ARHGEF2: variants seen among roughly 807,000 people sequenced by gnomAD.
ARHGEF2 encodes the protein rho guanine nucleotide exchange factor 2.
A neutral mutation model predicts 121.0 loss-of-function variants in ARHGEF2; 22 were observed. The observed-to-expected ratio is 0.18, with a 90% CI of 0.13 to 0.26. The LOEUF is 0.26. Ranked by LOEUF, ARHGEF2 falls within the 10% of genes least tolerant of loss-of-function variation. ARHGEF2 has a pLI of 1.00. For synonymous variants in ARHGEF2, 487 were observed against 530.0 expected, an observed-to-expected ratio of 0.92 and a Z score of 1.11; for missense variants, 907 against 1,336.0, an observed-to-expected ratio of 0.68 and a Z score of 5.01.
At chr1:155,952,408 G>A (rs1675677771) in intron 15 of ARHGEF2, among the ~76,000 whole-genome samples, 173 bp from the exon 16 acceptor site, 1 of 152,224 alleles carries the variant, frequency 6.6e-6, no homozygotes, top group South Asian at 2.1e-4. Flanking sequence ...TGCCTACGAG[G>A]CAGCAGAGTC....
rs201374134 is a variant in ARHGEF2, at chr1:155,963,006, C to T, written c.902G>A (p.Arg301Gln). ...GCTGCCAGGGCACAGGGCCTGGCGT[C>T]GGCGTTCTAATAGCTGGCTGAGGAA... ...TRFLSQLLER[R>Q]RQALCPGSTR... The change falls in exon 8 of 22, where the codon CGA becomes CAA. Residue 301 changes from arginine (R) to glutamine (Q), a missense_variant. Coordinates refer to ENST00000361247, the MANE Select transcript of ARHGEF2 (RefSeq NM_001162383.2). The T allele has an allele frequency of 1.9e-6, 3 of 1,614,150 alleles. No individual in the cohort carries two copies. Among genetic ancestry groups the T allele is most frequent in the African/African-American group, 1.3e-5 (1 of 75,020 alleles).
At chr1:155,953,663 A>G (rs1303571447) in intron 14 of ARHGEF2, among the ~76,000 whole-genome samples, 2 of 150,424 alleles carry the variant, frequency 1.3e-5, no homozygotes, top group Admixed American at 6.7e-5. Flanking sequence ...AATCACTTGA[A>G]CGTGGGAGAT....
In ARHGEF2 at chr1:155,965,112, C is replaced by T. The variant is rs765399238; in HGVS notation, c.600G>A (p.Glu200=). The T allele has an allele frequency of 6.2e-7, 1 of 1,614,096 alleles. No homozygotes were observed. The highest frequency in any genetic ancestry group is 2.2e-5 in the East Asian group (1 of 44,872). Residue 200 remains glutamate (E), a synonymous_variant, in exon 7 of 22, where the codon GAG becomes GAA. Coordinates refer to ENST00000361247, the MANE Select transcript of ARHGEF2 (RefSeq NM_001162383.2). This position sits in a 1 kb window ranked among gnomAD's most constrained non-coding sequence, Gnocchi z 6.0. ...CATCCATCTCAAAGTCACTCATCAGCTCACTGTAGATTACCTCTGCTGGAC... is the reference window on the plus strand; with the variant it reads ...CATCCATCTCAAAGTCACTCATCAGTTCACTGTAGATTACCTCTGCTGGAC... The part of the protein sequence containing the change: ...LIDEAEVIYS[E]LMSDFEMDEK...
intron 15 of ARHGEF2, 22 bp from the exon 16 acceptor site, chr1:155,952,257 T>A: frequency 6.2e-7 from 1 of 1,612,802 alleles, no homozygotes; most frequent in Non-Finnish European, 8.5e-7. Flanking sequence ...GAGGAAGAGG[T>A]GAGAACAGGA....
Position 155,947,810 on chromosome 1 carries a change from A to T in ARHGEF2, c.*132T>A. On this transcript the variant is annotated 3_prime_UTR_variant, in exon 22 of 22. Transcript: ENST00000361247. Reference sequence around the variant, plus strand: ...CTTAAATGGCCCCAGGTATCCAAGGATCCCAAGAGCTGGCAAGGACAATTT... The same window carrying T: ...CTTAAATGGCCCCAGGTATCCAAGGTTCCCAAGAGCTGGCAAGGACAATTT... The T allele has an allele frequency of 1.7e-6, 1 of 600,012 alleles. No homozygotes were observed. Among genetic ancestry groups the T allele is most frequent in the East Asian group, 2.9e-5 (1 of 34,296 alleles). The allele number at this position is 600,012 out of a possible 1,614,324, so 37.2% of individuals were successfully genotyped here.
At chr1:155,974,757 G>T (rs1279775138) in intron 1 of ARHGEF2, among the ~76,000 whole-genome samples, 1 of 152,092 alleles carries the variant, frequency 6.6e-6, no homozygotes. Flanking sequence ...GAATAAATCA[G>T]GTTAGGGACC....
In ARHGEF2 at chr1:155,957,846, C is replaced by T. The variant is rs765138663; in HGVS notation, c.1582G>A (p.Val528Ile). ...TTCTCCTGGTTGGCAATGTCTCGTA[C>T]GATTAGATTCTGCAGCGATACCACT... ...PSVVSLQNLI[V>I]RDIANQEKGM... The change falls in exon 13 of 22, where the codon GTA becomes ATA. Residue 528 changes from valine (V) to isoleucine (I), a missense_variant. By Grantham distance (29) the Val-to-Ile change is conservative (BLOSUM62 3). Coordinates refer to ENST00000361247, the MANE Select transcript of ARHGEF2 (RefSeq NM_001162383.2). 23 of 1,614,110 alleles carry T rather than the reference C, an allele frequency of 1.4e-5. No homozygotes were observed. In the East Asian group the frequency reaches 1.6e-4, roughly 11 times the overall value.
In ARHGEF2 at chr1:155,951,839, C is replaced by T. The variant is rs1455918155; in HGVS notation, c.2173-63G>A. The T allele has an allele frequency of 6.2e-7, 1 of 1,613,106 alleles. No homozygotes were observed. Among genetic ancestry groups the T allele is most frequent in the Non-Finnish European group, 8.5e-7 (1 of 1,179,814 alleles). ...ACAAATCCTGGGTGCCTGCCCCTGACAGCTTTGTGTTGAGGATCCAGAGGC... is the reference window on the plus strand; with the variant it reads ...ACAAATCCTGGGTGCCTGCCCCTGATAGCTTTGTGTTGAGGATCCAGAGGC... On this transcript the variant is annotated intron_variant, in intron 17 of 21. Transcript: ENST00000361247. This position sits in a 1 kb window ranked among gnomAD's most constrained non-coding sequence, Gnocchi z 5.1.
chr1:155,962,958 C>T lies in ARHGEF2; in HGVS notation c.950G>A (p.Arg317His), dbSNP rs550963600. The change falls in exon 8 of 22, where the codon CGC (arginine) becomes CAC (histidine). Residue 317 changes from arginine (R) to histidine (H), a missense_variant. Transcript: ENST00000361247. The surrounding 1 kb of genome is among the most constrained non-coding windows in gnomAD (Gnocchi z 5.8). ...PGSTRNFVIHRLGDLLISQFS... is the reference protein window; with the variant it reads ...PGSTRNFVIHHLGDLLISQFS... Reference sequence around the variant, plus strand: ...CTGGCTGATGAGCAGATCACCCAAGCGATGGATGACAAAGTTCCGGGTGCT... The same window carrying T: ...CTGGCTGATGAGCAGATCACCCAAGTGATGGATGACAAAGTTCCGGGTGCT... The T allele has an allele frequency of 1.5e-5, 24 of 1,614,050 alleles. No individual in the cohort carries two copies. The highest frequency in any genetic ancestry group is 1.2e-4 in the Admixed American group (7 of 60,002).
rs71576039 is a variant in ARHGEF2 at position 155,964,144 on chromosome 1, CAAAAA to C, written c.724+839_724+843del. On this transcript the variant is annotated intron_variant, in intron 7 of 21. Coordinates refer to ENST00000361247, the MANE Select transcript of ARHGEF2 (RefSeq NM_001162383.2). ...TGGGCGACAGAGCAAGACTCTGCTT[CAAAAA>C]AAAAAAAAAAAAAAAAAAATATATA... 3.7e-3 allele frequency among the ~76,000 whole-genome samples: 205 copies of C among 55,754 alleles called. 1 individual carries two copies. The highest frequency in any genetic ancestry group is 0.013 in the African/African-American group (123 of 9,556). 36.6% of individuals were successfully genotyped at this position (55,754 alleles called of 152,430 possible).
rs1035175572 is a variant in ARHGEF2, at chr1:155,978,005, C to G, written c.63+360G>C. Reference sequence around the variant, plus strand: ...TGGGGCCCGGGGTGAGAGGAGGTGCCGGAGCTTCCACCGCCCCCACCCGCG... The same window carrying G: ...TGGGGCCCGGGGTGAGAGGAGGTGCGGGAGCTTCCACCGCCCCCACCCGCG... On this transcript the variant is annotated intron_variant, in intron 1 of 21. Coordinates refer to ENST00000361247, the MANE Select transcript of ARHGEF2 (RefSeq NM_001162383.2). The surrounding 1 kb of genome is among the most constrained non-coding windows in gnomAD (Gnocchi z 4.1). 1.1e-6 allele frequency: 1 copy of G among 905,764 alleles called. No homozygotes were observed. Among genetic ancestry groups the G allele is most frequent in the Admixed American group, 5.7e-5 (1 of 17,512 alleles). 56.1% of individuals were successfully genotyped at this position (905,764 alleles called of 1,614,324 possible).
At chr1:155,973,654 G>A (rs1572197695) in intron 1 of ARHGEF2, among the ~76,000 whole-genome samples, 2 of 151,914 alleles carry the variant, frequency 1.3e-5, no homozygotes, top group South Asian at 2.1e-4. Context: ...GCTGAGGCAG[G>A]AGAATTGCTT....
Position 155,978,504 on chromosome 1 carries a change from G to T in ARHGEF2, c.-77C>A, listed in dbSNP as rs1456657135. Reference sequence around the variant, plus strand: ...TTGTTGGGGGAAGGCGGGGGGAGGGGTTCGGCCCGCACGCGTTGGTCTCGG... The same window carrying T: ...TTGTTGGGGGAAGGCGGGGGGAGGGTTTCGGCCCGCACGCGTTGGTCTCGG... On this transcript the variant is annotated 5_prime_UTR_variant, in exon 1 of 22. Coordinates refer to ENST00000361247, the MANE Select transcript of ARHGEF2 (RefSeq NM_001162383.2). This position sits in a 1 kb window ranked among gnomAD's most constrained non-coding sequence, Gnocchi z 4.1. The T allele has an allele frequency of 3.0e-6, 4 of 1,337,430 alleles. No individual in the cohort carries two copies. Among genetic ancestry groups the T allele is most frequent in the Non-Finnish European group, 3.9e-6 (4 of 1,029,942 alleles). 82.8% of individuals were successfully genotyped at this position (1,337,430 alleles called of 1,614,324 possible).
Position 155,964,180 on chromosome 1 carries a change from A to ATGTATG in ARHGEF2, c.724+807_724+808insCATACA, listed in dbSNP as rs1349746641. On this transcript the variant is annotated intron_variant, in intron 7 of 21. Coordinates refer to ENST00000361247, the MANE Select transcript of ARHGEF2 (RefSeq NM_001162383.2). The stretch of plus-strand genomic sequence containing the variant: ...AAAAAAAAAAAAAATATATATATAT[A>ATGTATG]TATATATATATATATATACATATAT... Among the ~76,000 whole-genome samples, 4 of 101,578 alleles carry ATGTATG rather than the reference A, an allele frequency of 3.9e-5. 1 individual carries two copies. Among genetic ancestry groups the ATGTATG allele is most frequent in the South Asian group, 3.1e-4 (1 of 3,182 alleles). 66.6% of individuals were successfully genotyped at this position (101,578 alleles called of 152,430 possible). A position where few individuals can be genotyped will look rare whatever the true frequency, so the allele number is the denominator to read the frequency against.
intron 14 of ARHGEF2, among the ~76,000 whole-genome samples, chr1:155,954,196 C>T (rs1676124900): frequency 6.6e-6 from 1 of 150,376 alleles, no homozygotes; most frequent in African/African-American, 2.4e-5. Context: ...AGACTGGTCT[C>T]GAACTCCTGA....
Position 155,965,605 on chromosome 1 carries a change from G to A in ARHGEF2, c.470+26C>T. 1.2e-6 allele frequency: 2 copies of A among 1,612,202 alleles called. No individual in the cohort carries two copies. Among genetic ancestry groups the A allele is most frequent in the East Asian group, 2.2e-5 (1 of 44,876 alleles). On this transcript the variant is annotated intron_variant, in intron 5 of 21. Coordinates refer to ENST00000361247, the MANE Select transcript of ARHGEF2 (RefSeq NM_001162383.2). This position sits in a 1 kb window ranked among gnomAD's most constrained non-coding sequence, Gnocchi z 6.0. ...GCCTCCACTGCCACACTCTCTGGCT[G>A]CCCCTTTCCCCAAACAGAGGCTCAC...
chr1:155,952,948 T>C (rs1344655005), intron 14 of ARHGEF2, 120 bp from the exon 15 acceptor site: 2 of 898,446 alleles, frequency 2.2e-6, no homozygotes, highest in Middle Eastern at 2.3e-4. Flanking sequence ...AATTTTGTTA[T>C]TTTGGCATTT....
At chr1:155,973,897 A>T (rs1387718796) in intron 1 of ARHGEF2, among the ~76,000 whole-genome samples, 2 of 152,172 alleles carry the variant, frequency 1.3e-5, no homozygotes, top group Non-Finnish European at 2.9e-5. Context: ...ACAGTGACGT[A>T]CATGGAGGGG....
chr1:155,950,518 G>T lies in ARHGEF2; in HGVS notation c.2704-36C>A, dbSNP rs200848492. ...TGGGCAGGAAGAACAGCAGGTCAGG[G>T]ACTGAGTAGTGTGAAGATTGGAGGT... On this transcript the variant is annotated intron_variant, in intron 20 of 21. Transcript: ENST00000361247. This position sits in a 1 kb window ranked among gnomAD's most constrained non-coding sequence, Gnocchi z 5.2. The T allele has an allele frequency of 2.5e-6, 4 of 1,601,054 alleles. No homozygotes were observed. In the South Asian group the frequency reaches 3.3e-5, roughly 13 times the overall value.
Sources: allele counts gnomAD v4.1 joint callset (sites outside exome capture counted in the v4.1 genomes callset), GRCh38; gene constraint gnomAD v4.1.1; non-coding constraint Gnocchi (gnomAD v3.1); transcripts MANE v1.5; gene names NCBI Gene and HGNC (gene_info 2026-07-23, HGNC 2026-07-21).